Variants in PTPRD observed in about 807,000 individuals in gnomAD.
The protein encoded by PTPRD is protein tyrosine phosphatase receptor type D.
In PTPRD, 34 loss-of-function variants were observed where a neutral mutation model predicts 214.5. The ratio of observed to expected loss-of-function variants is 0.16; its 90% CI spans 0.12 to 0.21. The LOEUF (loss-of-function observed/expected upper bound fraction) is 0.21. Ranked by LOEUF, PTPRD falls within the 10% of genes least tolerant of loss-of-function variation. PTPRD has a pLI of 1.00. For missense variants in PTPRD, 2,545 were observed against 2,398.7 expected (o/e 1.06, Z -1.27); for synonymous variants, 1,128 against 845.7 (o/e 1.33, Z -5.79).
intron 3 of PTPRD, among the ~76,000 whole-genome samples, chr9:10,245,988 G>C (rs745751611): frequency 7.2e-5 from 11 of 152,148 alleles, no homozygotes; most frequent in Non-Finnish European, 1.5e-4. Flanking sequence ...CATGAAATAA[G>C]TTAAACCACA....
At chr9:10,439,340 C>G (rs1168215839) in intron 2 of PTPRD, among the ~76,000 whole-genome samples, 1 of 151,804 alleles carries the variant, frequency 6.6e-6, no homozygotes, top group South Asian at 2.1e-4. Context: ...ATGCTATCGT[C>G]ATGGCCAGCT....
intron 3 of PTPRD, among the ~76,000 whole-genome samples, chr9:10,183,934 C>T (rs1229107282): frequency 6.6e-5 from 10 of 152,090 alleles, no homozygotes; most frequent in Non-Finnish European, 1.5e-4. Flanking sequence ...ATCATTTTCC[C>T]CTCACATACA....
chr9:8,424,564 A>G (rs550662083), intron 35 of PTPRD, among the ~76,000 whole-genome samples: 2 of 152,308 alleles, frequency 1.3e-5, no homozygotes, highest in Admixed American at 6.5e-5. Context: ...CTTGTAAAGC[A>G]CTATCTAGAC....
intron 35 of PTPRD, among the ~76,000 whole-genome samples, chr9:8,408,406 A>C (rs2093223558): frequency 6.6e-6 from 1 of 152,100 alleles, no homozygotes; most frequent in African/African-American, 2.4e-5. Flanking sequence ...CACCCAAATA[A>C]TCTTCCATGG....
intron 5 of PTPRD, among the ~76,000 whole-genome samples, chr9:9,928,755 T>TCTACACACAC (rs1555348332): frequency 9.1e-6 from 1 of 109,624 alleles, no homozygotes; most frequent in African/African-American, 3.7e-5. Flanking sequence ...TCTCTCTCTC[T>TCTACACACAC]ATACACACAC....
At chr9:10,055,020 C>T (rs2097600152) in intron 3 of PTPRD, among the ~76,000 whole-genome samples, 1 of 151,990 alleles carries the variant, frequency 6.6e-6, no homozygotes, top group South Asian at 2.1e-4. Flanking sequence ...AGTGTTTTCT[C>T]TCTTTCCCTC....
intron 11 of PTPRD, among the ~76,000 whole-genome samples, chr9:8,875,729 A>C (rs1374932767): frequency 6.6e-6 from 1 of 152,196 alleles, no homozygotes; most frequent in Non-Finnish European, 1.5e-5. Context: ...ACAATGTATA[A>C]TATTTCATGA....
chr9:9,559,646 G>C (rs2082393496), intron 8 of PTPRD, among the ~76,000 whole-genome samples: 1 of 152,164 alleles, frequency 6.6e-6, no homozygotes, highest in Non-Finnish European at 1.5e-5. Context: ...ACATATAGTG[G>C]AGCTATGCAC....
intron 2 of PTPRD, among the ~76,000 whole-genome samples, chr9:10,567,245 A>G (rs2065906638): frequency 6.6e-6 from 1 of 152,110 alleles, no homozygotes; most frequent in South Asian, 2.1e-4. Context: ...GACTTCACTA[A>G]ATCTTAATTT....
At chr9:8,904,369 C>A (rs2098692995) in intron 11 of PTPRD, among the ~76,000 whole-genome samples, 3 of 152,036 alleles carry the variant, frequency 2.0e-5, no homozygotes, top group Admixed American at 6.6e-5. Context: ...AAACTTGGAT[C>A]CAATCAAAAG....
chr9:10,387,373 T>C (rs1357987922), intron 2 of PTPRD, among the ~76,000 whole-genome samples: 1 of 151,900 alleles, frequency 6.6e-6, no homozygotes, highest in African/African-American at 2.4e-5. Context: ...TACAACTAAG[T>C]ACAGGTTAAG....
intron 35 of PTPRD, among the ~76,000 whole-genome samples, chr9:8,411,523 C>T (rs1470688364): frequency 3.3e-5 from 5 of 152,092 alleles, no homozygotes; most frequent in African/African-American, 4.8e-5. Flanking sequence ...AGGCTAGTCT[C>T]GAACTCATGA....
chr9:8,795,146 T>A (rs1481188282), intron 11 of PTPRD, among the ~76,000 whole-genome samples: 1 of 152,024 alleles, frequency 6.6e-6, no homozygotes, highest in East Asian at 1.9e-4. Context: ...CATCCACCCC[T>A]ATGTTTATTT....
chr9:8,582,171 G>C (rs114735685), intron 14 of PTPRD, among the ~76,000 whole-genome samples: 4,766 of 152,166 alleles, frequency 0.031, 135 homozygotes, highest in African/African-American at 0.075. Flanking sequence ...TTTCACATCA[G>C]GAGAGAAAGG....
chr9:8,844,259 T>C (rs2097640193), intron 11 of PTPRD, among the ~76,000 whole-genome samples: 1 of 152,200 alleles, frequency 6.6e-6, no homozygotes, highest in Non-Finnish European at 1.5e-5. Context: ...CAACACTAGT[T>C]GCAAAGAACA....
intron 14 of PTPRD, among the ~76,000 whole-genome samples, chr9:8,554,835 G>C (rs1564302255): frequency 6.6e-6 from 1 of 152,076 alleles, no homozygotes; most frequent in Non-Finnish European, 1.5e-5. Context: ...TAACATATTT[G>C]TGTTTTTATA....
At chr9:9,351,118 T>G (rs1167560603) in intron 9 of PTPRD, among the ~76,000 whole-genome samples, 1 of 152,028 alleles carries the variant, frequency 6.6e-6, no homozygotes, top group African/African-American at 2.4e-5. Flanking sequence ...CCTTACTCAA[T>G]TCCCTCAATA....
At chr9:8,451,979 ACT>A in intron 33 of PTPRD, 1 of 398,556 alleles carries the variant, frequency 2.5e-6, no homozygotes, top group South Asian at 1.9e-5. Flanking sequence ...AGAAAAGAAA[ACT>A]CTCTAAAGTA....
At chr9:8,437,610 T>G (rs894934578) in intron 34 of PTPRD, among the ~76,000 whole-genome samples, 4 of 152,160 alleles carry the variant, frequency 2.6e-5, no homozygotes, top group African/African-American at 9.7e-5. Flanking sequence ...ATGGCCACAC[T>G]AACAACTCTG....
Sources: gnomAD v4.1 joint callset for allele counts (sites outside exome capture counted in the v4.1 genomes callset) on GRCh38, gnomAD v4.1.1 for gene constraint, MANE v1.5 for transcripts, NCBI Gene and HGNC (gene_info 2026-07-23, HGNC 2026-07-21) for gene names.